Variants in SGIP1 observed in about 807,000 individuals in gnomAD.
SGIP1 encodes the protein SH3-containing GRB2-like protein 3-interacting protein 1.
Under a neutral mutation model 107.5 loss-of-function variants are expected in SGIP1, and 38 were observed. The observed-to-expected ratio is 0.35, with a 90% CI of 0.27 to 0.46. The LOEUF (loss-of-function observed/expected upper bound fraction) is 0.46, where lower values mean the gene tolerates loss of function less well. Among genes scored for constraint, SGIP1 ranks in the 20% least tolerant of loss-of-function variants. The probability of loss-of-function intolerance (pLI) is 1.00; values close to 1 mark genes in which losing one functional copy is unlikely to be tolerated. For synonymous variants in SGIP1, 365 were observed against 366.1 expected (o/e 1.00, Z 0.03); for missense variants, 929 against 1,019.5 (o/e 0.91, Z 1.21).
chr1:66,733,658 A>C, intron 20 of SGIP1, 90 bp from the exon 21 acceptor site: 2 of 1,410,686 alleles, frequency 1.4e-6, no homozygotes, highest in Non-Finnish European at 1.9e-6. Context: ...ATGGCTGTAC[A>C]TATCAGACGA....
At chr1:66,554,073 C>T (rs891147363) in intron 1 of SGIP1, among the ~76,000 whole-genome samples, 21 of 152,134 alleles carry the variant, frequency 1.4e-4, no homozygotes, top group African/African-American at 5.1e-4. Flanking sequence ...TCTCCTGTAC[C>T]AACCAAACAT....
intron 19 of SGIP1, among the ~76,000 whole-genome samples, chr1:66,720,066 A>G (rs1440463458): frequency 6.6e-6 from 1 of 152,218 alleles, no homozygotes; most frequent in African/African-American, 2.4e-5. Context: ...CTGAATGCAT[A>G]TGTGATGTAA....
At position 66,740,519 on chromosome 1, in the gene SGIP1, G is replaced by A. The variant is rs139619650; in HGVS notation, c.2235-139G>A. 4.2e-4 allele frequency: 273 copies of A among 656,254 alleles called. 1 individual carries two copies. In the African/African-American group the frequency reaches 4.4e-3, roughly 11 times the overall value. The allele number at this position is 656,254 out of a possible 1,614,324, so 40.7% of individuals were successfully genotyped here. ...ATGTATGTCTGGGAGGGGAGAGAGA[G>A]AGACAGGGAATTTTTAAATTGTAGT... On this transcript the variant is annotated intron_variant, in intron 22 of 24. Transcript: ENST00000371037.
chr1:66,700,114 T>C (rs1250214357), intron 18 of SGIP1, among the ~76,000 whole-genome samples: 1 of 152,154 alleles, frequency 6.6e-6, no homozygotes, highest in Non-Finnish European at 1.5e-5. Flanking sequence ...CTCACGCCTG[T>C]AATTCCAGCA....
intron 4 of SGIP1, among the ~76,000 whole-genome samples, chr1:66,636,767 A>G (rs2075858304): frequency 1.3e-5 from 2 of 152,184 alleles, no homozygotes; most frequent in South Asian, 4.1e-4. Context: ...GCCCCACCCA[A>G]GGATCATTAC....
At chr1:66,618,403 TA>T (rs538135800) in intron 1 of SGIP1, among the ~76,000 whole-genome samples, 229 of 152,168 alleles carry the variant, frequency 1.5e-3, no homozygotes, top group Middle Eastern at 6.8e-3. Context: ...GTCATTAGTT[TA>T]AAAAAAATGA....
chr1:66,663,936 C>T (rs1006031645), intron 8 of SGIP1, among the ~76,000 whole-genome samples: 2 of 152,088 alleles, frequency 1.3e-5, no homozygotes, highest in South Asian at 2.1e-4. Context: ...ACTTTTGCAC[C>T]TACTTTAATA....
chr1:66,630,536 G>A (rs1029919683), intron 2 of SGIP1, among the ~76,000 whole-genome samples: 18 of 151,890 alleles, frequency 1.2e-4, no homozygotes, highest in Admixed American at 9.8e-4. Flanking sequence ...GCCAGGCACC[G>A]TGGCTCACAC....
intron 1 of SGIP1, among the ~76,000 whole-genome samples, chr1:66,586,144 G>A (rs926028825): frequency 1.8e-4 from 28 of 152,034 alleles, no homozygotes; most frequent in African/African-American, 6.3e-4. Context: ...TACATTATCT[G>A]ATACTAAGTT....
intron 19 of SGIP1, among the ~76,000 whole-genome samples, chr1:66,720,383 A>AT (rs1443437458): frequency 6.6e-6 from 1 of 152,142 alleles, no homozygotes; most frequent in African/African-American, 2.4e-5. Context: ...ATTGCTTTTA[A>AT]TTTTTTTACT....
intron 3 of SGIP1, among the ~76,000 whole-genome samples, chr1:66,633,768 A>T (rs1464519624): frequency 6.6e-6 from 1 of 151,514 alleles, no homozygotes; most frequent in Admixed American, 6.6e-5. Flanking sequence ...TCTAAATCAG[A>T]TGCCTATTCA....
chr1:66,740,709 G>C lies in SGIP1; in HGVS notation c.2286G>C (p.Lys762Asn). 6.2e-7 allele frequency: 1 copy of C among 1,605,298 alleles called. No individual in the cohort carries two copies. Among genetic ancestry groups the C allele is most frequent in the African/African-American group, 1.3e-5 (1 of 74,768 alleles). Residue 762 changes from lysine (K) to asparagine (N), a missense_variant, in exon 23 of 25, where the codon AAG (lysine) becomes AAC (asparagine). Lys to Asn is a moderately conservative substitution (Grantham distance 94). Coordinates refer to ENST00000371037, the MANE Select transcript of SGIP1 (RefSeq NM_032291.4). ...GGAAGATTCCTGATATCTCTCAGAA[G>C]TCAGAAAATGGAGGTAATGGAATCA... is the stretch of plus-strand genomic sequence containing the variant. ...ILWKIPDISQ[K>N]SENGGVGSLL...
chr1:66,653,424 A>G (rs2079123457), intron 7 of SGIP1, among the ~76,000 whole-genome samples: 1 of 152,090 alleles, frequency 6.6e-6, no homozygotes, highest in African/African-American at 2.4e-5. Context: ...AATATTTAGT[A>G]TTCAACCTGG....
At chr1:66,629,974 CTG>C (rs1040117250) in intron 2 of SGIP1, among the ~76,000 whole-genome samples, 1 of 152,132 alleles carries the variant, frequency 6.6e-6, no homozygotes, top group Non-Finnish European at 1.5e-5. Context: ...GATGAAGAAA[CTG>C]AGAAACAAAG....
At chr1:66,605,990 C>A (rs943864629) in intron 1 of SGIP1, among the ~76,000 whole-genome samples, 1 of 152,054 alleles carries the variant, frequency 6.6e-6, no homozygotes, top group African/African-American at 2.4e-5. Context: ...CTTTTTTCTC[C>A]CTCCATGCAC....
At chr1:66,627,345 G>A (rs2073099057) in intron 2 of SGIP1, among the ~76,000 whole-genome samples, 1 of 152,142 alleles carries the variant, frequency 6.6e-6, no homozygotes, top group Non-Finnish European at 1.5e-5. Context: ...TGGAAAGGTA[G>A]TAAAGTCCAC....
At position 66,637,866 on chromosome 1, in the gene SGIP1, T is replaced by C. The variant is rs868094238; in HGVS notation, c.171+1851T>C. On this transcript the variant is annotated intron_variant, in intron 4 of 24. Coordinates refer to ENST00000371037, the MANE Select transcript of SGIP1 (RefSeq NM_032291.4). ...ACACATATATACATACACACATACA[T>C]ACACACAAATATATATATATATAAA... Among the ~76,000 whole-genome samples the C allele has an allele frequency of 2.7e-3, 409 of 150,652 alleles. 2 individuals are homozygous for C. Among genetic ancestry groups the C allele is most frequent in the African/African-American group, 9.5e-3 (393 of 41,276 alleles).
chr1:66,690,005 A>G (rs899407216), intron 16 of SGIP1, among the ~76,000 whole-genome samples, 185 bp from the exon 17 acceptor site: 1 of 152,212 alleles, frequency 6.6e-6, no homozygotes, highest in Non-Finnish European at 1.5e-5. Flanking sequence ...GTTATGGTTT[A>G]TCGTTTCTCC....
At chr1:66,684,069 A>G (rs369204021) in intron 15 of SGIP1, 1 of 1,549,306 alleles carries the variant, frequency 6.5e-7, no homozygotes, top group South Asian at 1.2e-5. Flanking sequence ...ATACAACACC[A>G]CCCTGTGGTA....
Sources: gnomAD v4.1 joint callset for allele counts (sites outside exome capture counted in the v4.1 genomes callset) on GRCh38, gnomAD v4.1.1 for gene constraint, MANE v1.5 for transcripts, NCBI Gene and HGNC (gene_info 2026-07-23, HGNC 2026-07-21) for gene names.